FRMPD1: variants seen among roughly 807,000 people sequenced by gnomAD.
FRMPD1 encodes FERM and PDZ domain-containing protein 1.
A neutral mutation model predicts 117.8 loss-of-function variants in FRMPD1; 76 were observed. The ratio of observed to expected loss-of-function variants is 0.65; its 90% CI spans 0.54 to 0.78. The LOEUF (loss-of-function observed/expected upper bound fraction) is 0.78, where lower values mean the gene tolerates loss of function less well. Ranked by LOEUF, FRMPD1 falls within the 30% of genes least tolerant of loss-of-function variation. The pLI, the probability that FRMPD1 is intolerant of heterozygous loss-of-function variation, is 0.00. For synonymous variants in FRMPD1, 783 were observed against 770.4 expected (o/e 1.02, Z -0.27); for missense variants, 1,786 against 1,964.5 (o/e 0.91, Z 1.72).
the FRMPD1 span, among the ~76,000 whole-genome samples, chr9:37,611,241 C>T: frequency 0.16 from 24,802 of 152,154 alleles, 2,404 homozygotes; most frequent in African/African-American, 0.27. Context: ...TCATCAGCAA[C>T]GTATGTGAGA....
chr9:37,654,455 T>A (rs1162737544), intron 1 of FRMPD1, among the ~76,000 whole-genome samples: 1 of 152,246 alleles, frequency 6.6e-6, no homozygotes, highest in African/African-American at 2.4e-5. Context: ...CACCTGGATT[T>A]GAATACTTGC....
chr9:37,606,540 G>T, the FRMPD1 span, among the ~76,000 whole-genome samples: 2 of 152,156 alleles, frequency 1.3e-5, no homozygotes, highest in African/African-American at 2.4e-5. Context: ...AGAGAGGTTG[G>T]TGTATAAAGC....
At chr9:37,683,588 C>T (rs1029791295) in intron 1 of FRMPD1, among the ~76,000 whole-genome samples, 7 of 152,206 alleles carry the variant, frequency 4.6e-5, no homozygotes, top group Non-Finnish European at 1.0e-4. Context: ...ACAGTATCTG[C>T]AGAGACACGA....
chr9:37,643,787 A>G, the FRMPD1 span, among the ~76,000 whole-genome samples: 1 of 152,172 alleles, frequency 6.6e-6, no homozygotes, highest in Admixed American at 6.5e-5. Flanking sequence ...CGATCATGAA[A>G]GGAAAGAATG....
At chr9:37,610,811 A>G in the FRMPD1 span, among the ~76,000 whole-genome samples, 1 of 152,016 alleles carries the variant, frequency 6.6e-6, no homozygotes, top group African/African-American at 2.4e-5. Context: ...CCATGTTGTT[A>G]GACTGGTCTC....
chr9:37,663,660 A>T (rs984247963), intron 1 of FRMPD1, among the ~76,000 whole-genome samples: 3 of 152,044 alleles, frequency 2.0e-5, no homozygotes, highest in African/African-American at 7.3e-5. Context: ...GGTTTCTCGT[A>T]GTGTTTTGTC....
chr9:37,731,091 C>T lies in FRMPD1; in HGVS notation c.846C>T (p.Tyr282=). 3 of 1,613,556 alleles carry T rather than the reference C, an allele frequency of 1.9e-6. No individual in the cohort carries two copies. Among genetic ancestry groups the T allele is most frequent in the Non-Finnish European group, 2.5e-6 (3 of 1,179,506 alleles). ...AAGAAGACCCCGTGGCCTTTGAATA[C>T]CTCTATCTGCAGGTGACTGGGTCTG... ...LLKEDPVAFE[Y]LYLQSCSDVL... is the part of the protein sequence containing the mutation. The change falls in exon 9 of 16, where the codon TAC becomes TAT. Residue 282 remains tyrosine (Y), a synonymous_variant. Coordinates refer to ENST00000377765, the MANE Select transcript of FRMPD1 (RefSeq NM_014907.3).
intron 1 of FRMPD1, 141 bp from the exon 2 acceptor site, chr9:37,692,497 G>T: frequency 1.5e-6 from 1 of 653,046 alleles, no homozygotes. Flanking sequence ...TGTTTATGTT[G>T]ATTTTAGACT....
At chr9:37,707,201 A>AT (rs1822739972) in intron 2 of FRMPD1, among the ~76,000 whole-genome samples, 4 of 152,162 alleles carry the variant, frequency 2.6e-5, no homozygotes, top group African/African-American at 9.7e-5. Flanking sequence ...CTAGATATTT[A>AT]GCATTAGCTC....
At chr9:37,684,185 G>T (rs1821841907) in intron 1 of FRMPD1, among the ~76,000 whole-genome samples, 1 of 152,220 alleles carries the variant, frequency 6.6e-6, no homozygotes, top group South Asian at 2.1e-4. Flanking sequence ...AGGCTGGGGG[G>T]AGGCAGTGGG....
intron 1 of FRMPD1, among the ~76,000 whole-genome samples, chr9:37,686,135 A>G (rs1315095646): frequency 2.0e-5 from 3 of 152,232 alleles, no homozygotes; most frequent in African/African-American, 7.2e-5. Context: ...TGTGTGCTCT[A>G]AAAAGATCTT....
At chr9:37,608,010 C>G in the FRMPD1 span, among the ~76,000 whole-genome samples, 6 of 152,164 alleles carry the variant, frequency 3.9e-5, no homozygotes, top group Admixed American at 1.3e-4. Flanking sequence ...TTAAAAGGAG[C>G]CAGATAAACT....
At chr9:37,643,315 T>G in the FRMPD1 span, among the ~76,000 whole-genome samples, 1 of 152,306 alleles carries the variant, frequency 6.6e-6, no homozygotes, top group East Asian at 1.9e-4. Context: ...TTCCTCCATT[T>G]GGTACTATTA....
chr9:37,671,457 G>A (rs1006315941), intron 1 of FRMPD1, among the ~76,000 whole-genome samples: 1 of 152,106 alleles, frequency 6.6e-6, no homozygotes, highest in Admixed American at 6.5e-5. Context: ...GTCATTCAAT[G>A]AGTATTTAGT....
chr9:37,735,856 G>T, intron 13 of FRMPD1, 122 bp downstream of exon 13: 1 of 673,766 alleles, frequency 1.5e-6, no homozygotes. Context: ...TGCTTAAGAG[G>T]ACGAATTGTC....
chr9:37,628,758 G>A, the FRMPD1 span, among the ~76,000 whole-genome samples: 3 of 152,174 alleles, frequency 2.0e-5, no homozygotes, highest in African/African-American at 7.2e-5. Context: ...ATCTTAGTGT[G>A]TGATCTTTCG....
intron 1 of FRMPD1, among the ~76,000 whole-genome samples, chr9:37,669,371 C>T (rs921312215): frequency 6.6e-6 from 1 of 152,156 alleles, no homozygotes; most frequent in African/African-American, 2.4e-5. Context: ...GAAATACGAA[C>T]TCTCAGCCCC....
At chr9:37,693,972 T>C (rs1158780259) in intron 2 of FRMPD1, among the ~76,000 whole-genome samples, 1 of 152,126 alleles carries the variant, frequency 6.6e-6, no homozygotes, top group Non-Finnish European at 1.5e-5. Flanking sequence ...GGCATTGTGC[T>C]CCCCCTGGTG....
At chr9:37,631,528 T>C in the FRMPD1 span, among the ~76,000 whole-genome samples, 62 of 152,362 alleles carry the variant, frequency 4.1e-4, no homozygotes, top group African/African-American at 1.5e-3. Flanking sequence ...CTAAAGCGTT[T>C]CCAATGTGCA....
Sources: allele counts gnomAD v4.1 joint callset (sites outside exome capture counted in the v4.1 genomes callset), GRCh38; gene constraint gnomAD v4.1.1; transcripts MANE v1.5; gene names NCBI Gene and HGNC (gene_info 2026-07-23, HGNC 2026-07-21).